ERBB4: variants seen among roughly 807,000 people sequenced by gnomAD.
ERBB4 encodes erb-b2 receptor tyrosine kinase 4.
In ERBB4, 42 loss-of-function variants were observed where a neutral mutation model predicts 158.0. The observed-to-expected ratio is 0.27, with a 90% CI of 0.21 to 0.34. ERBB4 has a LOEUF of 0.34. Ranked by LOEUF, ERBB4 falls within the 10% of genes least tolerant of loss-of-function variation. ERBB4 has a pLI of 1.00. For missense variants in ERBB4, 1,333 were observed against 1,624.1 expected (o/e 0.82, Z 3.08); for synonymous variants, 583 against 558.7 (o/e 1.04, Z -0.61).
At chr2:212,274,693 T>G (rs993670388) in intron 1 of ERBB4, among the ~76,000 whole-genome samples, 1 of 151,864 alleles carries the variant, frequency 6.6e-6, no homozygotes, top group Non-Finnish European at 1.5e-5. Context: ...ATAATAGGTT[T>G]GTGTATATTT....
intron 3 of ERBB4, among the ~76,000 whole-genome samples, chr2:211,935,778 G>C (rs1239281180): frequency 6.6e-6 from 1 of 152,036 alleles, no homozygotes; most frequent in Non-Finnish European, 1.5e-5. Flanking sequence ...TATCCTATTG[G>C]TTCTGTCTTT....
At chr2:211,646,901 G>C (rs1276760423) in intron 16 of ERBB4, among the ~76,000 whole-genome samples, 1 of 151,694 alleles carries the variant, frequency 6.6e-6, no homozygotes, top group East Asian at 1.9e-4. Flanking sequence ...ATGATTTGTG[G>C]ATTAATGTCA....
Position 211,691,367 on chromosome 2 carries a change from C to A in ERBB4, c.1489+10600G>T, listed in dbSNP as rs564548715. 5.9e-5 allele frequency among the ~76,000 whole-genome samples: 9 copies of A among 152,144 alleles called. No individual in the cohort carries two copies. The South Asian group carries it at 1.9e-3, about 32-fold the overall frequency. Reference sequence around the variant, plus strand: ...TAAGTAAATGCTCAATACATGTACTCAAGAGAAATGTGAAGGCATAAAAGC... The same window carrying A: ...TAAGTAAATGCTCAATACATGTACTAAAGAGAAATGTGAAGGCATAAAAGC... On this transcript the variant is annotated intron_variant, in intron 12 of 27. Transcript: ENST00000342788.
chr2:211,831,941 A>C (rs916816226), intron 3 of ERBB4, among the ~76,000 whole-genome samples: 2 of 152,148 alleles, frequency 1.3e-5, no homozygotes, highest in African/African-American at 4.8e-5. Flanking sequence ...GTACTTTTAA[A>C]AGTAAATCAT....
intron 25 of ERBB4, among the ~76,000 whole-genome samples, chr2:211,412,570 T>A (rs2063285322): frequency 6.6e-6 from 1 of 152,226 alleles, no homozygotes. Flanking sequence ...AGGACCTCTG[T>A]CTTCCAACTT....
At chr2:211,690,120 T>C (rs952509800) in intron 12 of ERBB4, among the ~76,000 whole-genome samples, 2 of 150,412 alleles carry the variant, frequency 1.3e-5, no homozygotes, top group Non-Finnish European at 3.0e-5. Flanking sequence ...GCTAAGTTAA[T>C]ATAGAATATA....
At chr2:211,871,793 G>A (rs2078352240) in intron 3 of ERBB4, among the ~76,000 whole-genome samples, 1 of 152,132 alleles carries the variant, frequency 6.6e-6, no homozygotes, top group African/African-American at 2.4e-5. Context: ...TACAGTGACA[G>A]CTACGGCTAT....
At chr2:212,174,927 C>G (rs1056614404) in intron 1 of ERBB4, among the ~76,000 whole-genome samples, 1 of 152,022 alleles carries the variant, frequency 6.6e-6, no homozygotes, top group African/African-American at 2.4e-5. Context: ...TCATCTCTTG[C>G]CATTCTACCT....
chr2:212,382,526 T>C (rs1408300147), intron 1 of ERBB4, among the ~76,000 whole-genome samples: 1 of 150,888 alleles, frequency 6.6e-6, no homozygotes, highest in African/African-American at 2.4e-5. Context: ...GTATCTAGTA[T>C]TAGGAACTGT....
intron 2 of ERBB4, among the ~76,000 whole-genome samples, chr2:211,972,643 A>G (rs1463663055): frequency 6.6e-6 from 1 of 152,190 alleles, no homozygotes; most frequent in Non-Finnish European, 1.5e-5. Context: ...TGACAGAAAC[A>G]AGCAATGGAG....
chr2:211,885,544 C>A (rs2078777357), intron 3 of ERBB4, among the ~76,000 whole-genome samples: 1 of 151,954 alleles, frequency 6.6e-6, no homozygotes, highest in African/African-American at 2.4e-5. Context: ...CAACCTCAAT[C>A]TCCTGGGTTC....
intron 16 of ERBB4, among the ~76,000 whole-genome samples, chr2:211,645,338 G>T (rs932091466): frequency 6.6e-5 from 10 of 151,508 alleles, no homozygotes; most frequent in Non-Finnish European, 1.3e-4. Context: ...AAAAGGATTA[G>T]GCATTGCTAT....
intron 3 of ERBB4, among the ~76,000 whole-genome samples, chr2:211,900,560 G>A (rs1472406930): frequency 7.4e-6 from 1 of 134,942 alleles, no homozygotes; most frequent in Non-Finnish European, 1.8e-5. Flanking sequence ...TTGAAAAGCG[G>A]GTCCTTCAAA....
In ERBB4 at chr2:212,377,450, C is replaced by G. The variant is rs180972867; in HGVS notation, c.82+160999G>C. ...AGGCTGTATGGTATAGTCTATTGCTCCCAAGCTACAAACCTGCACTGCATA... is the reference window on the plus strand; with the variant it reads ...AGGCTGTATGGTATAGTCTATTGCTGCCAAGCTACAAACCTGCACTGCATA... On this transcript the variant is annotated intron_variant, in intron 1 of 27. Transcript: ENST00000342788. Among the ~76,000 whole-genome samples the G allele has an allele frequency of 2.2e-4, 33 of 151,860 alleles. 1 individual carries two copies. The highest frequency in any genetic ancestry group is 1.4e-3 in the Admixed American group (21 of 15,158).
intron 5 of ERBB4, among the ~76,000 whole-genome samples, chr2:211,727,566 G>A (rs905112201): frequency 6.6e-6 from 1 of 151,974 alleles, no homozygotes; most frequent in Non-Finnish European, 1.5e-5. Flanking sequence ...GGTGTATAGA[G>A]TTAAAGAGAT....
At chr2:212,380,983 T>A (rs1161347972) in intron 1 of ERBB4, among the ~76,000 whole-genome samples, 2 of 151,366 alleles carry the variant, frequency 1.3e-5, no homozygotes, top group Non-Finnish European at 3.0e-5. Context: ...GGTTTCTTTT[T>A]TCGTTTTCAT....
intron 2 of ERBB4, among the ~76,000 whole-genome samples, chr2:212,038,880 C>A (rs1192742881): frequency 1.3e-5 from 2 of 151,886 alleles, no homozygotes; most frequent in Non-Finnish European, 1.5e-5. Context: ...AGGGCATGAT[C>A]GGGGAAGAGA....
At chr2:212,338,472 T>C (rs2088552675) in intron 1 of ERBB4, among the ~76,000 whole-genome samples, 1 of 152,162 alleles carries the variant, frequency 6.6e-6, no homozygotes, top group African/African-American at 2.4e-5. Context: ...TGTCTCATTG[T>C]GATGAAAAAT....
chr2:211,561,956 T>C lies in ERBB4; in HGVS notation c.2434A>G (p.Lys812Glu). The C allele has an allele frequency of 6.2e-7, 1 of 1,614,146 alleles. No individual in the cohort carries two copies. Among genetic ancestry groups the C allele is most frequent in the Non-Finnish European group, 8.5e-7 (1 of 1,180,030 alleles). ...AGCAGTTGTGATCCAATGTTATCCT[T>C]GTGCTCGTGGACATACTCCAACAGG... is the stretch of plus-strand genomic sequence containing the variant. Reference protein sequence around the residue: ...GCLLEYVHEHKDNIGSQLLLN... With the variant: ...GCLLEYVHEHEDNIGSQLLLN... Residue 812 changes from lysine to glutamate, a missense_variant, in exon 20 of 28, where the codon AAG (lysine) becomes GAG (glutamate). Lys to Glu is a moderately conservative substitution (Grantham distance 56). This residue lies in a region of ERBB4 where 314 missense variants were observed against 437.6 expected (regional missense o/e 0.72). Coordinates refer to ENST00000342788, the MANE Select transcript of ERBB4 (RefSeq NM_005235.3).
Sources: gnomAD v4.1 joint callset for allele counts (sites outside exome capture counted in the v4.1 genomes callset) on GRCh38, gnomAD v4.1.1 for gene constraint, gnomAD v4.1.1 regional missense constraint, MANE v1.5 for transcripts, NCBI Gene and HGNC (gene_info 2026-07-23, HGNC 2026-07-21) for gene names.